The following SRSF3 variants were observed in gnomAD, a reference collection of about 807,000 sequenced individuals.
SRSF3 encodes serine/arginine-rich splicing factor 3.
For missense variants in SRSF3, 58 were observed against 217.1 expected, an observed-to-expected ratio of 0.27 and a Z score of 4.61; for synonymous variants, 87 against 73.6, an observed-to-expected ratio of 1.18 and a Z score of -0.93.
Position 36,602,016 on chromosome 6 carries a change from A to G in SRSF3, c.*27A>G, listed in dbSNP as rs1474616559. ...AGACAGTTTGCAAGAGAAGTGGTGT[A>G]CAGGAAATTACTTCATTTGACAGGA... On this transcript the variant is annotated 3_prime_UTR_variant, in exon 6 of 6. Transcript: ENST00000373715. 1.0e-5 allele frequency: 16 copies of G among 1,578,314 alleles called. No homozygotes were observed. The highest frequency in any genetic ancestry group is 1.3e-5 in the Non-Finnish European group (15 of 1,170,720).
rs78736830 is a variant in SRSF3, at chr6:36,604,567, A to G, written c.*2578A>G. ...TACCAAGCACAGGTACCCTGTGTCT[A>G]CCATTTGAGTATCTTAGAGATCCTT... On this transcript the variant is annotated 3_prime_UTR_variant, in exon 6 of 6. Transcript: ENST00000373715. The G allele has an allele frequency of 1.1e-5, 2 of 174,620 alleles. No homozygotes were observed. Among genetic ancestry groups the G allele is most frequent in the East Asian group, 2.0e-4 (2 of 10,060 alleles). 10.8% of individuals were successfully genotyped at this position (174,620 alleles called of 1,614,324 possible).
At chr6:36,598,051 C>G (rs1778661408) in intron 2 of SRSF3, among the ~76,000 whole-genome samples, 1 of 151,932 alleles carries the variant, frequency 6.6e-6, no homozygotes. Context: ...GTAAAATGGC[C>G]AAAATGGTTC....
rs775227806 is a variant in SRSF3, at chr6:36,601,001, C to CTTT, written c.342-128_342-126dup. The CTTT allele has an allele frequency of 5.9e-3, 510 of 86,436 alleles. 55 individuals are homozygous for CTTT. Among genetic ancestry groups the CTTT allele is most frequent in the African/African-American group, 0.024 (332 of 13,880 alleles). 5.4% of individuals were successfully genotyped at this position (86,436 alleles called of 1,614,324 possible). A position where few individuals can be genotyped will look rare whatever the true frequency, so the allele number is the denominator to read the frequency against. Reference sequence around the variant, plus strand: ...GCCTTTTTTTTCTTTTCTTTTTTTTCTTTTTTTTTTTTTTTTTTTTTTTTT... The same window carrying CTTT: ...GCCTTTTTTTTCTTTTCTTTTTTTTCTTTTTTTTTTTTTTTTTTTTTTTTTTTT... On this transcript the variant is annotated intron_variant, in intron 3 of 5. Transcript: ENST00000373715.
At chr6:36,598,437 GC>G (rs1778666565) in intron 2 of SRSF3, 1 of 158,796 alleles carries the variant, frequency 6.3e-6, no homozygotes, top group Admixed American at 6.1e-5. Context: ...AGGCTGGAGT[GC>G]AATGGTGTGA....
intron 1 of SRSF3, among the ~76,000 whole-genome samples, chr6:36,595,569 A>G (rs1362675691): frequency 6.6e-6 from 1 of 152,104 alleles, no homozygotes; most frequent in Non-Finnish European, 1.5e-5. Flanking sequence ...GCTATTTTAG[A>G]TATTTAGTAT....
rs1364180878 is a variant in SRSF3, at chr6:36,604,259, C to A, written c.*2270C>A. On this transcript the variant is annotated 3_prime_UTR_variant, in exon 6 of 6. Transcript: ENST00000373715. ...AGGTGTTCACTAGAAGTCACTGTTA[C>A]TAATACTTGATGACAATGTAAAGAA... is the stretch of plus-strand genomic sequence containing the variant. 4.6e-6 allele frequency: 1 copy of A among 215,822 alleles called. No individual in the cohort carries two copies. Among genetic ancestry groups the A allele is most frequent in the Non-Finnish European group, 9.3e-6 (1 of 107,050 alleles). 13.4% of individuals were successfully genotyped at this position (215,822 alleles called of 1,614,324 possible).
chr6:36,602,193 TACCAA>T lies in SRSF3; in HGVS notation c.*205_*209del. ...GAAATGGATCATACGAGGCATGTAA[TACCAA>T]GAATTGTTACTTTACAATGTTCCCT... On this transcript the variant is annotated 3_prime_UTR_variant, in exon 6 of 6. Coordinates refer to ENST00000373715, the MANE Select transcript of SRSF3 (RefSeq NM_003017.5). 9.9e-7 allele frequency: 1 copy of T among 1,007,712 alleles called. No homozygotes were observed. The highest frequency in any genetic ancestry group is 2.9e-5 in the East Asian group (1 of 35,022). The allele number at this position is 1,007,712 out of a possible 1,614,324, so 62.4% of individuals were successfully genotyped here. A position where few individuals can be genotyped will look rare whatever the true frequency, so the allele number is the denominator to read the frequency against.
In SRSF3 at chr6:36,603,715, G is replaced by C. The variant is rs1304919143; in HGVS notation, c.*1726G>C. On this transcript the variant is annotated 3_prime_UTR_variant, in exon 6 of 6. Transcript: ENST00000373715. Reference sequence around the variant, plus strand: ...TCTGGCATTGGGCATTTTGTCTTTAGTATTCTCACATAGCCTACAACCTGT... The same window carrying C: ...TCTGGCATTGGGCATTTTGTCTTTACTATTCTCACATAGCCTACAACCTGT... 1 of 230,814 alleles carries C rather than the reference G, an allele frequency of 4.3e-6. No homozygotes were observed. The highest frequency in any genetic ancestry group is 8.6e-6 in the Non-Finnish European group (1 of 116,610). The allele number at this position is 230,814 out of a possible 1,614,324, so 14.3% of individuals were successfully genotyped here. A position where few individuals can be genotyped will look rare whatever the true frequency, so the allele number is the denominator to read the frequency against.
Position 36,603,702 on chromosome 6 carries a change from C to T in SRSF3, c.*1713C>T, listed in dbSNP as rs1240372089. On this transcript the variant is annotated 3_prime_UTR_variant, in exon 6 of 6. Coordinates refer to ENST00000373715, the MANE Select transcript of SRSF3 (RefSeq NM_003017.5). ...ATTTACTGAGAGCTCTGGCATTGGG[C>T]ATTTTGTCTTTAGTATTCTCACATA... The T allele has an allele frequency of 4.3e-6, 1 of 230,670 alleles. No homozygotes were observed. The highest frequency in any genetic ancestry group is 5.7e-5 in the Admixed American group (1 of 17,676). 14.3% of individuals were successfully genotyped at this position (230,670 alleles called of 1,614,324 possible). A position where few individuals can be genotyped will look rare whatever the true frequency, so the allele number is the denominator to read the frequency against.
chr6:36,596,718 A>G, intron 1 of SRSF3, 43 bp from the exon 2 acceptor site: 5 of 1,547,194 alleles, frequency 3.2e-6, no homozygotes, highest in Non-Finnish European at 4.5e-6. Flanking sequence ...TTTTAACTGT[A>G]GATGTTTAGA....
Position 36,602,633 on chromosome 6 carries a change from T to C in SRSF3, c.*644T>C, listed in dbSNP as rs1452095756. 1 of 215,858 alleles carries C rather than the reference T, an allele frequency of 4.6e-6. No individual in the cohort carries two copies. The highest frequency in any genetic ancestry group is 9.3e-6 in the Non-Finnish European group (1 of 106,980). 13.4% of individuals were successfully genotyped at this position (215,858 alleles called of 1,614,324 possible). The stretch of plus-strand genomic sequence containing the variant: ...GTTCGTGACATTCTTTATGTGCAAA[T>C]TTGTGATTTCAAAAATGTCCTGCCA... On this transcript the variant is annotated 3_prime_UTR_variant, in exon 6 of 6. Transcript: ENST00000373715.
chr6:36,597,189 T>C, intron 2 of SRSF3: 1 of 547,188 alleles, frequency 1.8e-6, no homozygotes, highest in Non-Finnish European at 3.2e-6. Context: ...CCCCGCAACC[T>C]CGGCCTCCGG....
chr6:36,597,819 T>TA (rs397749434), intron 2 of SRSF3, among the ~76,000 whole-genome samples: 3 of 150,988 alleles, frequency 2.0e-5, no homozygotes, highest in African/African-American at 4.9e-5. Context: ...TTTTTTTTTT[T>TA]ACTACTGTGA....
intron 5 of SRSF3, 30 bp from the exon 6 acceptor site, chr6:36,601,932 T>C (rs1778723138): frequency 3.2e-6 from 5 of 1,576,478 alleles, no homozygotes; most frequent in Non-Finnish European, 4.3e-6. Flanking sequence ...GATGTAATGT[T>C]TTGTTTTCTT....
chr6:36,599,262 G>T (rs1018023422), intron 3 of SRSF3, among the ~76,000 whole-genome samples: 3 of 152,084 alleles, frequency 2.0e-5, no homozygotes, highest in Non-Finnish European at 2.9e-5. Flanking sequence ...TTATACTTCA[G>T]TTTAGGCCTT....
chr6:36,597,060 A>G (rs1778641212), intron 2 of SRSF3, 92 bp downstream of exon 2: 3 of 1,085,136 alleles, frequency 2.8e-6, no homozygotes, highest in Admixed American at 2.1e-5. Context: ...GGCTTTCCCA[A>G]TCACTGGCCA....
At chr6:36,597,029 C>T in intron 2 of SRSF3, 61 bp downstream of exon 2, 1 of 1,496,548 alleles carries the variant, frequency 6.7e-7, no homozygotes, top group Non-Finnish European at 9.3e-7. Flanking sequence ...TTAAAATCTA[C>T]AGGATATGTG....
rs889535633 is a variant in SRSF3 at position 36,602,441 on chromosome 6, C to T, written c.*452C>T. Reference sequence around the variant, plus strand: ...AAAACTGCTGTGAAACACAGGCCATCAGGGAAAACGAAATGCTGCACTATT... The same window carrying T: ...AAAACTGCTGTGAAACACAGGCCATTAGGGAAAACGAAATGCTGCACTATT... On this transcript the variant is annotated 3_prime_UTR_variant, in exon 6 of 6. Transcript: ENST00000373715. 2.2e-5 allele frequency: 5 copies of T among 229,592 alleles called. No homozygotes were observed. The highest frequency in any genetic ancestry group is 2.6e-5 in the Non-Finnish European group (3 of 116,322). The allele number at this position is 229,592 out of a possible 1,614,324, so 14.2% of individuals were successfully genotyped here.
chr6:36,597,803 C>CTTTTTT (rs377627108), intron 2 of SRSF3, among the ~76,000 whole-genome samples: 2,792 of 131,072 alleles, frequency 0.021, 28 homozygotes, highest in Non-Finnish European at 0.025. Context: ...GAATAATGGT[C>CTTTTTT]TTTTTTTTTT....
Sources: allele counts gnomAD v4.1 joint callset (sites outside exome capture counted in the v4.1 genomes callset), GRCh38; gene constraint gnomAD v4.1.1; transcripts MANE v1.5; gene names NCBI Gene and HGNC (gene_info 2026-07-23, HGNC 2026-07-21).